The following NBAS variants were observed in gnomAD, a reference collection of about 807,000 sequenced individuals.
NBAS encodes the protein NBAS subunit of NRZ tethering complex.
In NBAS, 219 loss-of-function variants were observed where a neutral mutation model predicts 302.5. That is an observed-to-expected ratio of 0.72 (90% CI 0.65 to 0.81). The LOEUF (loss-of-function observed/expected upper bound fraction) is 0.81, where lower values mean the gene tolerates loss of function less well. Among genes scored for constraint, NBAS ranks in the 30% least tolerant of loss-of-function variants. The probability of loss-of-function intolerance (pLI) is 0.00; values close to 1 mark genes in which losing one functional copy is unlikely to be tolerated. For synonymous variants in NBAS, 1,118 were observed against 1,021.6 expected (o/e 1.09, Z -1.80); for missense variants, 2,932 against 2,841.6 (o/e 1.03, Z -0.72).
chr2:15,376,889 T>G lies in NBAS; in HGVS notation c.3591-2169A>C, dbSNP rs1391474658. On this transcript the variant is annotated intron_variant, in intron 30 of 51. Transcript: ENST00000281513. ...ACACACATACAGCATGTTTGTAAAATGAAGGTGCTCCAATTGCTACCATAA... is the reference window on the plus strand; with the variant it reads ...ACACACATACAGCATGTTTGTAAAAGGAAGGTGCTCCAATTGCTACCATAA... Among the ~76,000 whole-genome samples the G allele has an allele frequency of 7.9e-5, 12 of 152,164 alleles. No individual in the cohort carries two copies. The East Asian group carries it at 2.3e-3, about 29-fold the overall frequency.
the NBAS span, among the ~76,000 whole-genome samples, chr2:14,916,509 G>A: frequency 8.7e-3 from 1,329 of 151,988 alleles, 16 homozygotes; most frequent in African/African-American, 0.029. Context: ...AATGCATATC[G>A]CATCTAAGTT....
At chr2:15,019,990 G>C in the NBAS span, among the ~76,000 whole-genome samples, 36 of 152,094 alleles carry the variant, frequency 2.4e-4, no homozygotes, top group African/African-American at 8.2e-4. Context: ...CCTACATAGC[G>C]TTAACAGTTA....
At chr2:14,955,516 G>A in the NBAS span, among the ~76,000 whole-genome samples, 1 of 152,252 alleles carries the variant, frequency 6.6e-6, no homozygotes, top group African/African-American at 2.4e-5. Context: ...CCCTAGCAGA[G>A]GTTCTCCATG....
At chr2:15,028,278 T>C in the NBAS span, among the ~76,000 whole-genome samples, 1 of 152,186 alleles carries the variant, frequency 6.6e-6, no homozygotes, top group African/African-American at 2.4e-5. Flanking sequence ...GGTAAGTTAG[T>C]GGAAAAACCC....
the NBAS span, among the ~76,000 whole-genome samples, chr2:14,962,185 G>C: frequency 6.6e-6 from 1 of 152,178 alleles, no homozygotes; most frequent in African/African-American, 2.4e-5. Context: ...TGAGCTCCCT[G>C]TGTGGGTTGA....
At chr2:14,962,983 T>C in the NBAS span, among the ~76,000 whole-genome samples, 1 of 151,934 alleles carries the variant, frequency 6.6e-6, no homozygotes, top group Non-Finnish European at 1.5e-5. Flanking sequence ...AAAATAAAGT[T>C]CCAGGTCGGG....
the NBAS span, among the ~76,000 whole-genome samples, chr2:15,003,152 T>A: frequency 6.6e-6 from 1 of 152,234 alleles, no homozygotes; most frequent in Admixed American, 6.5e-5. Context: ...GAAATTAATT[T>A]CCAGAGCAGA....
At chr2:15,016,899 G>A in the NBAS span, among the ~76,000 whole-genome samples, 198 of 152,162 alleles carry the variant, frequency 1.3e-3, no homozygotes, top group African/African-American at 4.4e-3. Context: ...TACATGAGAT[G>A]GTTTGATATA....
At chr2:14,964,749 TACACAGG>T in the NBAS span, among the ~76,000 whole-genome samples, 4 of 152,120 alleles carry the variant, frequency 2.6e-5, no homozygotes, top group African/African-American at 9.7e-5. Context: ...ACATTTTAAG[TACACAGG>T]ACACACTGGT....
At chr2:15,337,329 T>C (rs1672634259) in intron 35 of NBAS, among the ~76,000 whole-genome samples, 1 of 151,654 alleles carries the variant, frequency 6.6e-6, no homozygotes, top group African/African-American at 2.4e-5. Context: ...AGGTGAGGGA[T>C]AAAAGACCAC....
chr2:14,982,281 C>T, the NBAS span, among the ~76,000 whole-genome samples: 8 of 152,156 alleles, frequency 5.3e-5, no homozygotes, highest in South Asian at 2.1e-4. Flanking sequence ...TGACTGCAGA[C>T]GTGCCAGCAC....
chr2:15,267,632 T>A (rs13399554), intron 44 of NBAS, among the ~76,000 whole-genome samples: 1 of 152,128 alleles, frequency 6.6e-6, no homozygotes, highest in Non-Finnish European at 1.5e-5. Context: ...ATTTAAAAAC[T>A]TACGAAAAAG....
intron 44 of NBAS, among the ~76,000 whole-genome samples, chr2:15,256,603 A>G (rs562260615): frequency 4.7e-4 from 71 of 152,004 alleles, no homozygotes; most frequent in Non-Finnish European, 8.1e-4. Context: ...CATCAACATT[A>G]TAGTGAAAGT....
chr2:15,469,850 G>C (rs1280302868), intron 16 of NBAS, among the ~76,000 whole-genome samples: 2 of 111,532 alleles, frequency 1.8e-5, no homozygotes, highest in African/African-American at 6.7e-5. Context: ...GGTGGGGGGA[G>C]GGGGGAGGGA....
chr2:15,150,189 G>A, the NBAS span, among the ~76,000 whole-genome samples: 1 of 152,002 alleles, frequency 6.6e-6, no homozygotes, highest in Non-Finnish European at 1.5e-5. Context: ...TTGCATGAAT[G>A]TGTTATTAAT....
chr2:15,380,241 C>T (rs1288800498), intron 29 of NBAS, among the ~76,000 whole-genome samples: 1 of 151,802 alleles, frequency 6.6e-6, no homozygotes, highest in Non-Finnish European at 1.5e-5. Flanking sequence ...TTTCTTTTTC[C>T]TAATTTTAAT....
chr2:15,013,294 C>CA, the NBAS span, among the ~76,000 whole-genome samples: 1 of 151,754 alleles, frequency 6.6e-6, no homozygotes, highest in African/African-American at 2.4e-5. Flanking sequence ...GTCCAATAAA[C>CA]AAAAAATAAA....
chr2:14,951,946 G>A, the NBAS span, among the ~76,000 whole-genome samples: 1 of 152,154 alleles, frequency 6.6e-6, no homozygotes. Context: ...AGATGTCCAT[G>A]GAATCCAGTT....
chr2:15,560,254 A>C (rs1664848344), intron 1 of NBAS, among the ~76,000 whole-genome samples: 1 of 152,138 alleles, frequency 6.6e-6, no homozygotes, highest in Non-Finnish European at 1.5e-5. Flanking sequence ...AAAAATAATA[A>C]TAATAAAAAA....
Sources: allele counts gnomAD v4.1 joint callset (sites outside exome capture counted in the v4.1 genomes callset), GRCh38; gene constraint gnomAD v4.1.1; transcripts MANE v1.5; gene names NCBI Gene and HGNC (gene_info 2026-07-23, HGNC 2026-07-21).